AUTS2: variants seen among roughly 807,000 people sequenced by gnomAD.
AUTS2 encodes the protein activator of transcription and developmental regulator AUTS2.
A neutral mutation model predicts 112.4 loss-of-function variants in AUTS2; 17 were observed. The observed-to-expected ratio is 0.15, with a 90% CI of 0.10 to 0.23. The LOEUF is 0.23. Ranked by LOEUF, AUTS2 falls within the 10% of genes least tolerant of loss-of-function variation. AUTS2 has a pLI of 1.00. For missense variants in AUTS2, 1,510 were observed against 1,701.6 expected (o/e 0.89, Z 1.98); for synonymous variants, 751 against 702.7 (o/e 1.07, Z -1.09).
chr7:70,231,760 GTTTGT>G (rs1175722007), intron 4 of AUTS2, among the ~76,000 whole-genome samples: 5 of 1,076 alleles, frequency 4.6e-3, no homozygotes, highest in African/African-American at 0.018. Flanking sequence ...AGGTTTTTTT[GTTTGT>G]TTGTTTGTTT....
At chr7:70,058,581 C>G (rs1802098691) in intron 2 of AUTS2, among the ~76,000 whole-genome samples, 1 of 149,992 alleles carries the variant, frequency 6.7e-6, no homozygotes, top group African/African-American at 2.4e-5. Flanking sequence ...ATTTGTTTTT[C>G]AGGAAGAAAC....
At chr7:70,787,749 GAC>G (rs780716292) in intron 18 of AUTS2, among the ~76,000 whole-genome samples, 5 of 152,198 alleles carry the variant, frequency 3.3e-5, no homozygotes, top group Non-Finnish European at 7.3e-5. Context: ...CTTCGGGCCA[GAC>G]ACACACAGCA....
At position 70,790,811 on chromosome 7, in the gene AUTS2, CCCA is replaced by C; in HGVS notation, c.3598_3600del (p.Thr1200del). The C allele has an allele frequency of 6.2e-7, 1 of 1,607,272 alleles. No homozygotes were observed. Among genetic ancestry groups the C allele is most frequent in the South Asian group, 1.1e-5 (1 of 90,300 alleles). On this transcript the variant is annotated inframe_deletion, in exon 19 of 19. Coordinates refer to ENST00000342771, the MANE Select transcript of AUTS2 (RefSeq NM_015570.4). This position sits in a 1 kb window ranked among gnomAD's most constrained non-coding sequence, Gnocchi z 7.6. ...CAGCATGCACTATCCCCGCATCAGC[CCCA>C]CCGCGGGCAACCAGAACGGACTCCT...
chr7:70,130,775 G>T (rs181421124), intron 3 of AUTS2, among the ~76,000 whole-genome samples: 2 of 152,132 alleles, frequency 1.3e-5, no homozygotes, highest in East Asian at 3.9e-4. Context: ...ATAGCCAGCT[G>T]GCTAGCATTT....
chr7:70,126,895 C>T (rs1298470559), intron 3 of AUTS2, among the ~76,000 whole-genome samples: 1 of 152,068 alleles, frequency 6.6e-6, no homozygotes, highest in East Asian at 1.9e-4. Context: ...GGTGCGATCT[C>T]GGCTCACTGC....
chr7:70,368,477 A>T (rs965006635), intron 4 of AUTS2, among the ~76,000 whole-genome samples: 4 of 152,212 alleles, frequency 2.6e-5, no homozygotes, highest in Non-Finnish European at 5.9e-5. Flanking sequence ...AAAATGAGGC[A>T]TTGGGCAGGA....
At chr7:69,832,305 A>AT (rs1357368660) in intron 1 of AUTS2, among the ~76,000 whole-genome samples, 1 of 152,178 alleles carries the variant, frequency 6.6e-6, no homozygotes, top group East Asian at 1.9e-4. Context: ...CAGAATGGTG[A>AT]TTTTGAATAT....
intron 3 of AUTS2, 186 bp downstream of exon 3, chr7:70,118,419 T>G (rs1805502280): frequency 1.4e-6 from 1 of 703,816 alleles, no homozygotes; most frequent in African/African-American, 1.9e-5. Context: ...GGTGTCATTC[T>G]AAAATGTCGT....
chr7:70,196,980 AAG>A (rs1156361614), intron 4 of AUTS2, among the ~76,000 whole-genome samples: 1 of 152,236 alleles, frequency 6.6e-6, no homozygotes, highest in Non-Finnish European at 1.5e-5. Context: ...ATGAAGAAGA[AAG>A]AGAAATAGCA....
intron 1 of AUTS2, among the ~76,000 whole-genome samples, chr7:69,863,613 G>T (rs567470632): frequency 1.3e-5 from 2 of 152,302 alleles, no homozygotes; most frequent in South Asian, 2.1e-4. Context: ...ACTGCTTACA[G>T]AAACCATGCC....
At chr7:70,134,684 A>C in intron 4 of AUTS2, 113 bp downstream of exon 4, 2 of 956,802 alleles carry the variant, frequency 2.1e-6, no homozygotes, top group Non-Finnish European at 3.4e-6. Context: ...CTCAGTCCTA[A>C]AGAGCAGACT....
Position 69,605,509 on chromosome 7 carries a change from A to G in AUTS2, c.309+5547A>G, listed in dbSNP as rs565001618. Among the ~76,000 whole-genome samples, 4 of 152,302 alleles carry G rather than the reference A, an allele frequency of 2.6e-5. No individual in the cohort carries two copies. In the East Asian group the frequency reaches 5.8e-4, roughly 22 times the overall value. ...ATGCCACCAAGCTGCCCTTCAGCCA[A>G]TGTTTTATCCTCTTTGTCCCTTCTG... On this transcript the variant is annotated intron_variant, in intron 1 of 18. Coordinates refer to ENST00000342771, the MANE Select transcript of AUTS2 (RefSeq NM_015570.4).
chr7:69,902,099 C>T (rs1272942881), intron 2 of AUTS2, among the ~76,000 whole-genome samples: 2 of 151,214 alleles, frequency 1.3e-5, no homozygotes, highest in African/African-American at 4.9e-5. Context: ...ATTTTGTTTT[C>T]ATGTAATATG....
chr7:70,344,245 T>A (rs1791397399), intron 4 of AUTS2, among the ~76,000 whole-genome samples: 1 of 152,046 alleles, frequency 6.6e-6, no homozygotes, highest in Non-Finnish European at 1.5e-5. Flanking sequence ...CATGGCAGAA[T>A]AGAAATCAAT....
intron 5 of AUTS2, among the ~76,000 whole-genome samples, chr7:70,566,238 A>C (rs1801701991): frequency 6.6e-6 from 1 of 152,170 alleles, no homozygotes; most frequent in Non-Finnish European, 1.5e-5. Flanking sequence ...GGTCTTAGTC[A>C]TGTTGACCTC....
chr7:69,787,795 G>A lies in AUTS2; in HGVS notation c.310-111491G>A, dbSNP rs149730282. On this transcript the variant is annotated intron_variant, in intron 1 of 18. Transcript: ENST00000342771. ...CACCATGTTGGCCAGGGCTGGTCTC[G>A]AACTCCTGACTTCAGGTGATCCGCC... Among the ~76,000 whole-genome samples, 641 of 152,212 alleles carry A rather than the reference G, an allele frequency of 4.2e-3. 7 individuals are homozygous for A. Among genetic ancestry groups the A allele is most frequent in the East Asian group, 0.012 (64 of 5,174 alleles).
intron 1 of AUTS2, chr7:69,643,505 A>G (rs1299835199): frequency 6.6e-6 from 1 of 152,138 alleles, no homozygotes; most frequent in Non-Finnish European, 1.5e-5. Context: ...TGATTGACAG[A>G]AAGTCTTTGT....
intron 1 of AUTS2, among the ~76,000 whole-genome samples, chr7:69,611,528 A>G (rs150635108): frequency 6.6e-6 from 1 of 152,376 alleles, no homozygotes; most frequent in Non-Finnish European, 1.5e-5. Flanking sequence ...GTATAATGTG[A>G]TTCCAGAAAT....
chr7:70,090,618 T>C (rs1428593464), intron 2 of AUTS2, among the ~76,000 whole-genome samples: 1 of 151,968 alleles, frequency 6.6e-6, no homozygotes, highest in Non-Finnish European at 1.5e-5. Context: ...CATTCTTCTT[T>C]ACATAGATGC....
Sources: allele counts gnomAD v4.1 joint callset (sites outside exome capture counted in the v4.1 genomes callset), GRCh38; gene constraint gnomAD v4.1.1; non-coding constraint Gnocchi (gnomAD v3.1); transcripts MANE v1.5; gene names NCBI Gene and HGNC (gene_info 2026-07-23, HGNC 2026-07-21).